Variants in NEK6 observed in about 807,000 individuals in gnomAD.
NEK6 encodes serine/threonine-protein kinase Nek6.
A neutral mutation model predicts 43.5 loss-of-function variants in NEK6; 27 were observed. That is an observed-to-expected ratio of 0.62 (90% CI 0.46 to 0.86). The LOEUF (loss-of-function observed/expected upper bound fraction) is 0.86. Ranked by LOEUF, NEK6 falls within the 40% of genes least tolerant of loss-of-function variation. The probability of loss-of-function intolerance (pLI) is 0.00; values close to 1 mark genes in which losing one functional copy is unlikely to be tolerated. For missense variants in NEK6, 318 were observed against 414.4 expected (o/e 0.77, Z 2.02); for synonymous variants, 167 against 164.1 (o/e 1.02, Z -0.14).
At chr9:124,263,490 C>G (rs79828220) in intron 1 of NEK6, among the ~76,000 whole-genome samples, 1 of 152,270 alleles carries the variant, frequency 6.6e-6, no homozygotes, top group East Asian at 1.9e-4. Flanking sequence ...TCAGAAGCTT[C>G]GGGGGAGGAA....
chr9:124,318,395 C>T (rs1833918702), intron 4 of NEK6, among the ~76,000 whole-genome samples: 3 of 152,050 alleles, frequency 2.0e-5, no homozygotes, highest in Admixed American at 2.0e-4. Flanking sequence ...GCCTGCACCA[C>T]GAAGCCCAGC....
At position 124,307,092 on chromosome 9, in the gene NEK6, A is replaced by C. The variant is rs75488507; in HGVS notation, c.90+5038A>C. Among the ~76,000 whole-genome samples, 1,164 of 151,624 alleles carry C rather than the reference A, an allele frequency of 7.7e-3. 21 individuals carry two copies. The highest frequency in any genetic ancestry group is 0.027 in the African/African-American group (1,115 of 41,320). On this transcript the variant is annotated intron_variant, in intron 2 of 9. Coordinates refer to ENST00000320246, the MANE Select transcript of NEK6 (RefSeq NM_014397.6). ...TTCAGAAAATTAATTGGGCGAATGC[A>C]TTTTTATTCTTTTAGCATGTAATTT...
chr9:124,336,620 G>A (rs1217155951), intron 7 of NEK6, among the ~76,000 whole-genome samples: 2 of 152,168 alleles, frequency 1.3e-5, no homozygotes, highest in African/African-American at 4.8e-5. Context: ...TGGGACTCCA[G>A]CTCACCACAG....
intron 8 of NEK6, among the ~76,000 whole-genome samples, chr9:124,340,222 G>A (rs936141383): frequency 1.3e-5 from 2 of 152,082 alleles, no homozygotes; most frequent in Admixed American, 1.3e-4. Context: ...AAAGGGACAG[G>A]AACATTTCTG....
At chr9:124,317,250 TTTTC>T (rs1207066539) in intron 4 of NEK6, among the ~76,000 whole-genome samples, 1 of 152,202 alleles carries the variant, frequency 6.6e-6, no homozygotes, top group Non-Finnish European at 1.5e-5. Flanking sequence ...GAGGATTTTC[TTTTC>T]TTTCTTTCCT....
intron 1 of NEK6, among the ~76,000 whole-genome samples, chr9:124,283,235 C>A (rs1296953187): frequency 1.3e-5 from 2 of 152,232 alleles, no homozygotes; most frequent in African/African-American, 4.8e-5. Context: ...CAGGGCCTGG[C>A]ACATAGTAGG....
chr9:124,321,322 C>T (rs563254978), intron 4 of NEK6, 137 bp from the exon 5 acceptor site: 1 of 612,616 alleles, frequency 1.6e-6, no homozygotes, highest in East Asian at 2.8e-5. Context: ...ACAGGCCTTT[C>T]TTTCCCTGGG....
chr9:124,348,143 T>C (rs146755896), intron 9 of NEK6, among the ~76,000 whole-genome samples: 179 of 152,320 alleles, frequency 1.2e-3, no homozygotes, highest in African/African-American at 4.0e-3. Flanking sequence ...ACAGGGTCTG[T>C]GCCGTGCCAG....
chr9:124,332,746 G>A (rs570061276), intron 7 of NEK6, among the ~76,000 whole-genome samples: 2 of 152,128 alleles, frequency 1.3e-5, no homozygotes, highest in South Asian at 2.1e-4. Flanking sequence ...CAGGACCGGC[G>A]CATCTTGGGG....
intron 1 of NEK6, among the ~76,000 whole-genome samples, chr9:124,290,976 C>T (rs980114721): frequency 3.9e-5 from 6 of 152,292 alleles, no homozygotes; most frequent in East Asian, 1.9e-4. Flanking sequence ...GAAGGGAAGA[C>T]GAACACTCCT....
intron 2 of NEK6, among the ~76,000 whole-genome samples, chr9:124,305,844 C>A (rs901810538): frequency 2.6e-5 from 4 of 152,100 alleles, no homozygotes; most frequent in African/African-American, 9.7e-5. Context: ...GGTGCATGGC[C>A]AATCAGGTTA....
intron 7 of NEK6, among the ~76,000 whole-genome samples, chr9:124,335,586 T>C (rs1419989697): frequency 6.6e-6 from 1 of 152,242 alleles, no homozygotes; most frequent in African/African-American, 2.4e-5. Context: ...CAAGGAAGAA[T>C]TGTGGGCAGT....
At chr9:124,257,843 G>GC, upstream of NEK6, 1 of 1,092,950 alleles carries the variant, frequency 9.1e-7, no homozygotes, top group Non-Finnish European at 1.2e-6. Context: ...CCGCCGGGGC[G>GC]CCCCCCGCCC....
At chr9:124,297,535 G>A (rs1274057225) in intron 1 of NEK6, among the ~76,000 whole-genome samples, 2 of 152,180 alleles carry the variant, frequency 1.3e-5, no homozygotes, top group African/African-American at 2.4e-5. Flanking sequence ...CACAGCACAC[G>A]GCAGCCTAAA....
At position 124,326,083 on chromosome 9, in the gene NEK6, T is replaced by TGGCC. The variant is rs1389186994; in HGVS notation, c.406-246_406-243dup. 6.6e-6 allele frequency among the ~76,000 whole-genome samples: 1 copy of TGGCC among 152,226 alleles called. No individual in the cohort carries two copies. The highest frequency in any genetic ancestry group is 6.5e-5 in the Admixed American group (1 of 15,288). ...GCCATCCGGACATGCCAGGCCTGCC[T>TGGCC]GGCCCTCACGGAGCTTGCTGGGTTG... On this transcript the variant is annotated intron_variant, in intron 5 of 9. Coordinates refer to ENST00000320246, the MANE Select transcript of NEK6 (RefSeq NM_014397.6). This position sits in a 1 kb window ranked among gnomAD's most constrained non-coding sequence, Gnocchi z 4.5.
In NEK6 at chr9:124,324,996, G is replaced by A. The variant is rs1834262902; in HGVS notation, c.406-1334G>A. On this transcript the variant is annotated intron_variant, in intron 5 of 9. Transcript: ENST00000320246. This position sits in a 1 kb window ranked among gnomAD's most constrained non-coding sequence, Gnocchi z 5.3. The stretch of plus-strand genomic sequence containing the variant: ...TCGAGACCAGCCTGGCTAACGTGGT[G>A]AAACCCCATCTCTACTAAAAATACA... 6.6e-6 allele frequency among the ~76,000 whole-genome samples: 1 copy of A among 152,206 alleles called. No individual in the cohort carries two copies. The highest frequency in any genetic ancestry group is 2.4e-5 in the African/African-American group (1 of 41,456).
In NEK6 at chr9:124,289,187, CCACACACACACACACACACACA is replaced by C. The variant is rs60402648; in HGVS notation, c.-29-12719_-29-12698del. On this transcript the variant is annotated intron_variant, in intron 1 of 9. Transcript: ENST00000320246. Reference sequence around the variant, plus strand: ...TGGACACCCCCCCCGCCCCCCCCCGCCACACACACACACACACACACACACACACACACACACACACACACAC... The same window carrying C: ...TGGACACCCCCCCCGCCCCCCCCCGCCACACACACACACACACACACACAC... 2.4e-4 allele frequency among the ~76,000 whole-genome samples: 11 copies of C among 46,036 alleles called. No individual in the cohort carries two copies. In the South Asian group the frequency reaches 2.7e-3, roughly 11 times the overall value. 30.2% of individuals were successfully genotyped at this position (46,036 alleles called of 152,430 possible).
At chr9:124,273,473 G>A (rs1269430145) in intron 1 of NEK6, among the ~76,000 whole-genome samples, 3 of 152,164 alleles carry the variant, frequency 2.0e-5, no homozygotes, top group Non-Finnish European at 4.4e-5. Context: ...AATGACAGCG[G>A]GCAGTCAGGG....
intron 1 of NEK6, among the ~76,000 whole-genome samples, chr9:124,266,918 G>A (rs1357023840): frequency 2.0e-5 from 3 of 152,188 alleles, no homozygotes; most frequent in African/African-American, 7.2e-5. Flanking sequence ...TTCCAATGAG[G>A]AGGAACCTAA....
Sources: gnomAD v4.1 joint callset for allele counts (sites outside exome capture counted in the v4.1 genomes callset) on GRCh38, gnomAD v4.1.1 for gene constraint, Gnocchi (gnomAD v3.1) non-coding constraint, MANE v1.5 for transcripts, NCBI Gene and HGNC (gene_info 2026-07-23, HGNC 2026-07-21) for gene names.